UST: variants seen among roughly 807,000 people sequenced by gnomAD.
UST encodes the protein uronyl 2-sulfotransferase, also known as chondroitin sulfate 2-O-sulfotransferase.
UST carries 21 observed loss-of-function variants against 45.6 expected under a neutral mutation model. The observed-to-expected ratio is 0.46, with a 90% confidence interval of 0.33 to 0.66. The LOEUF is 0.66. UST is among the 30% of genes least tolerant of loss of function. The pLI is 0.02. For synonymous variants in UST, 215 were observed against 200.6 expected, an observed-to-expected ratio of 1.07 and a Z score of -0.61; for missense variants, 463 against 512.4, an observed-to-expected ratio of 0.90 and a Z score of 0.93.
At position 148,748,427 on chromosome 6, in the gene UST, G is replaced by GTT. The variant is rs1051285751; in HGVS notation, c.247+751_247+752insTT. 1.3e-5 allele frequency among the ~76,000 whole-genome samples: 2 copies of GTT among 150,900 alleles called. No individual in the cohort carries two copies. The highest frequency in any genetic ancestry group is 4.9e-5 in the African/African-American group (2 of 41,176). On this transcript the variant is annotated intron_variant, in intron 1 of 7. Transcript: ENST00000367463. This position sits in a 1 kb window ranked among gnomAD's most constrained non-coding sequence, Gnocchi z 5.3. ...TGTGTGTGTGTGTGTGTGTGTGTGT[G>GTT]TGTGTGTGTGTGTGTGTGTGTGTGT...
chr6:149,017,799 T>TATACAC (rs956279478), intron 5 of UST, among the ~76,000 whole-genome samples: 1 of 148,810 alleles, frequency 6.7e-6, no homozygotes, highest in Non-Finnish European at 1.5e-5. Flanking sequence ...TATCCATATA[T>TATACAC]ACACACACAC....
chr6:149,011,101 A>G (rs993985881), intron 5 of UST, among the ~76,000 whole-genome samples: 1 of 152,188 alleles, frequency 6.6e-6, no homozygotes, highest in South Asian at 2.1e-4. Context: ...CGCTAAAATA[A>G]ATGTAGATAT....
intron 1 of UST, among the ~76,000 whole-genome samples, chr6:148,881,802 A>C (rs1327963415): frequency 1.3e-5 from 2 of 152,082 alleles, no homozygotes; most frequent in Non-Finnish European, 2.9e-5. Flanking sequence ...TGATAACAGC[A>C]CTCATCCTTT....
Position 148,864,832 on chromosome 6 carries a change from G to T in UST, c.248-22154G>T, listed in dbSNP as rs1451225228. Among the ~76,000 whole-genome samples, 3 of 152,276 alleles carry T rather than the reference G, an allele frequency of 2.0e-5. 1 individual carries two copies. Among genetic ancestry groups the T allele is most frequent in the East Asian group, 1.9e-4 (1 of 5,182 alleles). On this transcript the variant is annotated intron_variant, in intron 1 of 7. Coordinates refer to ENST00000367463, the MANE Select transcript of UST (RefSeq NM_005715.3). ...GTCCAGTTTACAGGGCATTGAGATG[G>T]TTTTCTGGTTTCCCTTGTTTTGCCC... is the stretch of plus-strand genomic sequence containing the variant.
intron 1 of UST, among the ~76,000 whole-genome samples, chr6:148,764,309 A>G (rs1562560560): frequency 6.6e-6 from 1 of 152,272 alleles, no homozygotes; most frequent in East Asian, 1.9e-4. Context: ...TTATTGGTGT[A>G]TAGAAATGCT....
intron 7 of UST, among the ~76,000 whole-genome samples, chr6:149,039,483 C>T (rs1369353960): frequency 6.6e-6 from 1 of 152,150 alleles, no homozygotes; most frequent in Non-Finnish European, 1.5e-5. Flanking sequence ...GCCTCAGCCT[C>T]CCAAAGTGCT....
At chr6:148,823,227 A>C (rs1360875155) in intron 1 of UST, among the ~76,000 whole-genome samples, 1 of 152,262 alleles carries the variant, frequency 6.6e-6, no homozygotes, top group African/African-American at 2.4e-5. Context: ...CAGAAAGGTT[A>C]ATGACAAAAT....
intron 1 of UST, among the ~76,000 whole-genome samples, chr6:148,780,577 T>C (rs1210256687): frequency 6.6e-6 from 1 of 152,228 alleles, no homozygotes; most frequent in African/African-American, 2.4e-5. Flanking sequence ...CTAAGGATAA[T>C]GGCCTCCAGC....
At chr6:148,867,530 G>A (rs1778466967) in intron 1 of UST, among the ~76,000 whole-genome samples, 1 of 152,080 alleles carries the variant, frequency 6.6e-6, no homozygotes, top group African/African-American at 2.4e-5. Context: ...GAGATTGGGT[G>A]GGATGGAGCT....
chr6:148,895,842 G>A (rs1298703554), intron 2 of UST, among the ~76,000 whole-genome samples: 1 of 152,236 alleles, frequency 6.6e-6, no homozygotes, highest in African/African-American at 2.4e-5. Flanking sequence ...TCTTGGGTAT[G>A]TCTTTATCAG....
intron 1 of UST, among the ~76,000 whole-genome samples, chr6:148,806,727 C>T (rs1777156914): frequency 6.6e-6 from 1 of 152,140 alleles, no homozygotes; most frequent in African/African-American, 2.4e-5. Flanking sequence ...CTGGGAAGTC[C>T]GAGATTGTGG....
chr6:148,928,012 A>G lies in UST; in HGVS notation c.292-13267A>G, dbSNP rs552241943. On this transcript the variant is annotated intron_variant, in intron 2 of 7. Transcript: ENST00000367463. ...GGTACAGTCCCCAGTGAAGGCCTGG[A>G]GGGGAGGTATTTGTGTCACTGGTGG... 3.9e-5 allele frequency among the ~76,000 whole-genome samples: 6 copies of G among 152,278 alleles called. No homozygotes were observed. In the South Asian group the frequency reaches 6.2e-4, roughly 16 times the overall value.
intron 1 of UST, among the ~76,000 whole-genome samples, chr6:148,810,425 A>G (rs140418510): frequency 5.7e-4 from 87 of 152,344 alleles, no homozygotes; most frequent in African/African-American, 2.0e-3. Flanking sequence ...GTCTTTTCCT[A>G]TGAGTAATAA....
intron 1 of UST, among the ~76,000 whole-genome samples, chr6:148,753,491 A>G (rs117261477): frequency 0.045 from 6,921 of 152,286 alleles, 234 homozygotes; most frequent in Non-Finnish European, 0.07. Flanking sequence ...GCTGAATAAT[A>G]TTTCCTAAGA....
intron 1 of UST, among the ~76,000 whole-genome samples, chr6:148,779,694 T>C (rs1776603194): frequency 1.3e-5 from 2 of 152,318 alleles, no homozygotes; most frequent in South Asian, 2.1e-4. Context: ...GCTGGAAATA[T>C]TAGTATAGCT....
intron 1 of UST, among the ~76,000 whole-genome samples, chr6:148,773,023 G>A (rs1212733268): frequency 2.0e-5 from 3 of 152,090 alleles, no homozygotes; most frequent in African/African-American, 4.8e-5. Context: ...TGGTGGGTAC[G>A]TGATCTCACA....
At chr6:148,839,305 T>A (rs1305734171) in intron 1 of UST, among the ~76,000 whole-genome samples, 3 of 152,178 alleles carry the variant, frequency 2.0e-5, no homozygotes, top group Non-Finnish European at 4.4e-5. Flanking sequence ...CCCCTCTCCT[T>A]TAACCCTCTG....
At chr6:148,994,215 A>G (rs1386754266) in intron 5 of UST, among the ~76,000 whole-genome samples, 1 of 151,794 alleles carries the variant, frequency 6.6e-6, no homozygotes, top group Non-Finnish European at 1.5e-5. Context: ...CAAGTGATCC[A>G]CTTGCCTCAG....
intron 1 of UST, among the ~76,000 whole-genome samples, chr6:148,833,181 CA>C (rs1777721342): frequency 1.3e-5 from 2 of 152,106 alleles, no homozygotes; most frequent in African/African-American, 4.8e-5. Flanking sequence ...ATAGTATAAG[CA>C]TGTTTTTTAA....
Sources: allele counts gnomAD v4.1 joint callset (sites outside exome capture counted in the v4.1 genomes callset), GRCh38; gene constraint gnomAD v4.1.1; non-coding constraint Gnocchi (gnomAD v3.1); transcripts MANE v1.5; gene names NCBI Gene and HGNC (gene_info 2026-07-23, HGNC 2026-07-21).